ZNF804B: variants seen among roughly 807,000 people sequenced by gnomAD.
The protein encoded by ZNF804B is zinc finger protein 804B.
A neutral mutation model predicts 101.4 loss-of-function variants in ZNF804B; 80 were observed. That is an observed-to-expected ratio of 0.79 (90% CI 0.66 to 0.95). ZNF804B has a LOEUF of 0.95. Ranked by LOEUF, ZNF804B falls within the 40% of genes least tolerant of loss-of-function variation. ZNF804B has a pLI of 0.00. For missense variants in ZNF804B, 1,673 were observed against 1,561.9 expected, an observed-to-expected ratio of 1.07 and a Z score of -1.20; for synonymous variants, 622 against 558.8, an observed-to-expected ratio of 1.11 and a Z score of -1.59.
chr7:88,970,824 G>C (rs930683795), intron 1 of ZNF804B, among the ~76,000 whole-genome samples: 12 of 122,116 alleles, frequency 9.8e-5, no homozygotes, highest in African/African-American at 3.6e-4. Context: ...GTTGTGGGGT[G>C]GGGGGAGGGG....
At chr7:89,145,074 C>G (rs1477891347) in intron 1 of ZNF804B, among the ~76,000 whole-genome samples, 1 of 151,556 alleles carries the variant, frequency 6.6e-6, no homozygotes, top group Non-Finnish European at 1.5e-5. Context: ...TCATTGCACT[C>G]CAGCCTGGGT....
intron 1 of ZNF804B, among the ~76,000 whole-genome samples, chr7:89,182,085 A>G (rs1412052951): frequency 6.6e-6 from 1 of 152,172 alleles, no homozygotes; most frequent in Non-Finnish European, 1.5e-5. Flanking sequence ...TTCAAACAGT[A>G]TCAAATAGGA....
chr7:88,805,010 A>G (rs1371588865), intron 1 of ZNF804B, among the ~76,000 whole-genome samples: 1 of 152,190 alleles, frequency 6.6e-6, no homozygotes, highest in Non-Finnish European at 1.5e-5. Context: ...ATTTTTTAAT[A>G]TATTATAAAA....
At chr7:89,135,423 G>A (rs1246506452) in intron 1 of ZNF804B, among the ~76,000 whole-genome samples, 1 of 151,920 alleles carries the variant, frequency 6.6e-6, no homozygotes, top group African/African-American at 2.4e-5. Flanking sequence ...CACATCTACT[G>A]ATAGTCAGAT....
chr7:88,872,975 G>A (rs1250756306), intron 1 of ZNF804B, among the ~76,000 whole-genome samples: 1 of 151,854 alleles, frequency 6.6e-6, no homozygotes, highest in Non-Finnish European at 1.5e-5. Context: ...AGTCCTTTGG[G>A]TATATACCCA....
chr7:88,809,522 T>G (rs975214790), intron 1 of ZNF804B, among the ~76,000 whole-genome samples: 2 of 152,168 alleles, frequency 1.3e-5, no homozygotes, highest in African/African-American at 4.8e-5. Context: ...GGGCCAATGA[T>G]CAATTGAAAT....
intron 1 of ZNF804B, among the ~76,000 whole-genome samples, chr7:88,955,323 G>A (rs1047450337): frequency 6.6e-6 from 1 of 151,454 alleles, no homozygotes; most frequent in African/African-American, 2.4e-5. Flanking sequence ...CTTAAGAAAA[G>A]TATTATTTTA....
At chr7:89,142,147 T>A (rs909971811) in intron 1 of ZNF804B, among the ~76,000 whole-genome samples, 1 of 151,928 alleles carries the variant, frequency 6.6e-6, no homozygotes, top group African/African-American at 2.4e-5. Flanking sequence ...GTATGCCTAA[T>A]GATTTCCCAT....
At chr7:89,124,805 AT>A (rs201520424) in intron 1 of ZNF804B, among the ~76,000 whole-genome samples, 247 of 150,490 alleles carry the variant, frequency 1.6e-3, no homozygotes, top group African/African-American at 5.6e-3. Flanking sequence ...GACTAATAGA[AT>A]TTTTTTTTTC....
intron 1 of ZNF804B, among the ~76,000 whole-genome samples, chr7:89,119,045 A>C (rs867946917): frequency 1.3e-5 from 2 of 152,186 alleles, no homozygotes; most frequent in Admixed American, 6.5e-5. Context: ...CAATTGTATC[A>C]GTTAATTCAT....
chr7:89,168,682 C>A (rs1300958040), intron 1 of ZNF804B, among the ~76,000 whole-genome samples: 2 of 115,784 alleles, frequency 1.7e-5, no homozygotes, highest in South Asian at 3.0e-4. Context: ...GAGCTGAATA[C>A]TTTTTTTTTT....
In ZNF804B at chr7:89,282,392, C is replaced by T. The variant is rs184006456; in HGVS notation, c.250-44952C>T. ...CTAAGACATGATTTGGATGGAGGCC[C>T]CAAGGACAGGTAATTTAAAAACTTA... On this transcript the variant is annotated intron_variant, in intron 2 of 3. Coordinates refer to ENST00000333190, the MANE Select transcript of ZNF804B (RefSeq NM_181646.5). 8.6e-5 allele frequency among the ~76,000 whole-genome samples: 13 copies of T among 151,682 alleles called. No individual in the cohort carries two copies. The East Asian group carries it at 2.5e-3, about 30-fold the overall frequency.
chr7:88,964,800 A>G (rs753973225), intron 1 of ZNF804B, among the ~76,000 whole-genome samples: 2 of 151,482 alleles, frequency 1.3e-5, no homozygotes, highest in African/African-American at 2.4e-5. Context: ...CTGTGGGAGC[A>G]AAACAGGCTC....
intron 3 of ZNF804B, among the ~76,000 whole-genome samples, chr7:89,329,759 C>T (rs1790949654): frequency 6.6e-6 from 1 of 151,462 alleles, no homozygotes; most frequent in African/African-American, 2.4e-5. Context: ...GGAAATTTTT[C>T]CAAAATTTAA....
chr7:89,100,471 A>G (rs1382528468), intron 1 of ZNF804B, among the ~76,000 whole-genome samples: 1 of 152,152 alleles, frequency 6.6e-6, no homozygotes. Flanking sequence ...ATTGGATTAC[A>G]TCAAGTTAAA....
intron 2 of ZNF804B, among the ~76,000 whole-genome samples, chr7:89,280,171 C>A (rs545377061): frequency 2.0e-5 from 3 of 152,018 alleles, no homozygotes; most frequent in Non-Finnish European, 4.4e-5. Flanking sequence ...GGGTACATAA[C>A]GAAATGAAGG....
In ZNF804B at chr7:88,866,049, A is replaced by C. The variant is rs117065531; in HGVS notation, c.108+105965A>C. On this transcript the variant is annotated intron_variant, in intron 1 of 3. Coordinates refer to ENST00000333190, the MANE Select transcript of ZNF804B (RefSeq NM_181646.5). The stretch of plus-strand genomic sequence containing the variant: ...TTGGTTCAATGTCTTGTCCACAGTA[A>C]GTAGTAAATACATGTTAGCTAAGCA... Among the ~76,000 whole-genome samples the C allele has an allele frequency of 8.6e-3, 1,316 of 152,338 alleles. 12 individuals carry two copies. The highest frequency in any genetic ancestry group is 0.014 in the Admixed American group (210 of 15,310).
At chr7:89,187,996 C>T (rs1039738213) in intron 1 of ZNF804B, among the ~76,000 whole-genome samples, 1 of 152,050 alleles carries the variant, frequency 6.6e-6, no homozygotes, top group South Asian at 2.1e-4. Flanking sequence ...ACCACATTTG[C>T]TTGTGTGGGT....
chr7:88,917,828 G>A (rs17165352), intron 1 of ZNF804B, among the ~76,000 whole-genome samples: 8,712 of 152,070 alleles, frequency 0.057, 357 homozygotes, highest in East Asian at 0.25. Flanking sequence ...GAAGAAAAAC[G>A]TGAGCAAATT....
Sources: gnomAD v4.1 joint callset for allele counts (sites outside exome capture counted in the v4.1 genomes callset) on GRCh38, gnomAD v4.1.1 for gene constraint, MANE v1.5 for transcripts, NCBI Gene and HGNC (gene_info 2026-07-23, HGNC 2026-07-21) for gene names.